The following SOX5 variants were observed in gnomAD, a reference collection of about 807,000 sequenced individuals.
SOX5 encodes transcription factor SOX-5.
In SOX5, 9 loss-of-function variants were observed where a neutral mutation model predicts 92.0. That is an observed-to-expected ratio of 0.10 (90% CI 0.06 to 0.17). SOX5 has a LOEUF of 0.17. Ranked by LOEUF, SOX5 falls within the 10% of genes least tolerant of loss-of-function variation. SOX5 has a pLI of 1.00. For missense variants in SOX5, 642 were observed against 944.5 expected (o/e 0.68, Z 4.20); for synonymous variants, 344 against 336.3 (o/e 1.02, Z -0.25).
chr12:23,950,993 A>AC, upstream of SOX5: 1 of 784,982 alleles, frequency 1.3e-6, no homozygotes, highest in Admixed American at 2.0e-5. Context: ...ACACACACAC[A>AC]CACACACACA....
intron 4 of SOX5, among the ~76,000 whole-genome samples, chr12:24,044,126 C>T (rs1285985644): frequency 6.6e-6 from 1 of 152,190 alleles, no homozygotes; most frequent in Non-Finnish European, 1.5e-5. Flanking sequence ...TAATACTACA[C>T]AACATAAAGG....
intron 4 of SOX5, among the ~76,000 whole-genome samples, chr12:24,042,600 T>C (rs1308101047): frequency 1.3e-5 from 2 of 152,162 alleles, no homozygotes; most frequent in East Asian, 1.9e-4. Context: ...AAAGTATATT[T>C]AGTGTATCAT....
chr12:23,946,642 G>T (rs1026567605), intron 1 of SOX5, among the ~76,000 whole-genome samples: 1 of 151,718 alleles, frequency 6.6e-6, no homozygotes, highest in Non-Finnish European at 1.5e-5. Context: ...TTAAAAATGT[G>T]GGGAGACTTC....
intron 3 of SOX5, among the ~76,000 whole-genome samples, chr12:24,257,696 T>A (rs1333743524): frequency 6.6e-6 from 1 of 151,922 alleles, no homozygotes; most frequent in Admixed American, 6.5e-5. Flanking sequence ...CTCGAACTCC[T>A]GACCTCGTGA....
At chr12:23,991,044 GA>G (rs36120865) in intron 4 of SOX5, among the ~76,000 whole-genome samples, 69 of 150,144 alleles carry the variant, frequency 4.6e-4, no homozygotes, top group African/African-American at 1.6e-3. Flanking sequence ...TCGTAATACT[GA>G]AAAAAAAATG....
intron 4 of SOX5, among the ~76,000 whole-genome samples, chr12:24,097,942 C>A (rs550577946): frequency 6.8e-6 from 1 of 147,866 alleles, no homozygotes; most frequent in Non-Finnish European, 1.5e-5. Flanking sequence ...CTCACTGTTA[C>A]AATTTTTTCA....
intron 3 of SOX5, among the ~76,000 whole-genome samples, chr12:24,242,032 T>C (rs909537195): frequency 6.6e-6 from 1 of 152,232 alleles, no homozygotes; most frequent in Non-Finnish European, 1.5e-5. Context: ...AAATAATTCC[T>C]GTTGTTAAGA....
intron 3 of SOX5, among the ~76,000 whole-genome samples, chr12:23,822,868 C>G (rs369211596): frequency 6.6e-6 from 1 of 152,214 alleles, no homozygotes; most frequent in Admixed American, 6.5e-5. Flanking sequence ...ATCCCTTTAC[C>G]GTTAGATAAT....
chr12:23,586,350 G>C (rs1002708281), intron 9 of SOX5, among the ~76,000 whole-genome samples: 1 of 152,114 alleles, frequency 6.6e-6, no homozygotes, highest in African/African-American at 2.4e-5. Context: ...GGTAGGTCAT[G>C]AGACAGAAGA....
intron 12 of SOX5, among the ~76,000 whole-genome samples, chr12:23,544,380 A>C (rs1942722791): frequency 6.6e-6 from 1 of 152,236 alleles, no homozygotes; most frequent in Non-Finnish European, 1.5e-5. Flanking sequence ...GTATTATCAC[A>C]AAATAAGTAG....
intron 3 of SOX5, among the ~76,000 whole-genome samples, chr12:23,844,403 G>C (rs1408890119): frequency 6.6e-6 from 1 of 152,036 alleles, no homozygotes; most frequent in Non-Finnish European, 1.5e-5. Context: ...CAGAATATAT[G>C]AAAATAAACA....
chr12:24,097,508 CTT>C (rs932648430), intron 4 of SOX5, among the ~76,000 whole-genome samples: 18 of 149,804 alleles, frequency 1.2e-4, no homozygotes, highest in Admixed American at 6.6e-4. Flanking sequence ...TTTTTTAACT[CTT>C]ATGTTTAATT....
At chr12:23,956,968 A>G (rs1946361383) in intron 4 of SOX5, among the ~76,000 whole-genome samples, 1 of 151,774 alleles carries the variant, frequency 6.6e-6, no homozygotes, top group African/African-American at 2.4e-5. Context: ...ATGCCCGGCC[A>G]TTGCCTAAGT....
intron 6 of SOX5, among the ~76,000 whole-genome samples, chr12:23,710,341 T>G (rs563952465): frequency 6.1e-4 from 93 of 152,266 alleles, no homozygotes; most frequent in African/African-American, 2.1e-3. Context: ...GCTGCACCCA[T>G]TAACTTGTCA....
intron 3 of SOX5, among the ~76,000 whole-genome samples, chr12:24,224,423 A>G (rs1467340889): frequency 6.6e-6 from 1 of 151,932 alleles, no homozygotes; most frequent in Non-Finnish European, 1.5e-5. Context: ...AGCCAATCAC[A>G]TTATTCCTTA....
intron 9 of SOX5, among the ~76,000 whole-genome samples, chr12:23,576,354 T>G (rs1949105149): frequency 6.6e-6 from 1 of 152,172 alleles, no homozygotes; most frequent in African/African-American, 2.4e-5. Flanking sequence ...AGAAAATTTC[T>G]AGCTTTCTTA....
chr12:23,738,954 GCATTT>G lies in SOX5; in HGVS notation c.741+1908_741+1912del, dbSNP rs535307067. 3.3e-3 allele frequency among the ~76,000 whole-genome samples: 504 copies of G among 152,260 alleles called. 4 individuals are homozygous for G. The highest frequency in any genetic ancestry group is 0.012 in the African/African-American group (487 of 41,550). On this transcript the variant is annotated intron_variant, in intron 5 of 14. Transcript: ENST00000451604. ...ATATATCTTTAATGAAAGTGATTAG[GCATTT>G]CATTAAAAATAAAACGAACATCTTT...
intron 2 of SOX5, among the ~76,000 whole-genome samples, chr12:24,278,719 A>C (rs1944798372): frequency 1.3e-5 from 2 of 152,158 alleles, no homozygotes; most frequent in South Asian, 4.1e-4. Flanking sequence ...TCAAAAAAGC[A>C]AACAAACAAA....
intron 1 of SOX5, among the ~76,000 whole-genome samples, chr12:24,399,140 G>A (rs1291470825): frequency 6.6e-6 from 1 of 152,040 alleles, no homozygotes; most frequent in Non-Finnish European, 1.5e-5. Context: ...CGAAGCACTG[G>A]TCTTACATGA....
Sources: allele counts gnomAD v4.1 joint callset (sites outside exome capture counted in the v4.1 genomes callset), GRCh38; gene constraint gnomAD v4.1.1; transcripts MANE v1.5; gene names NCBI Gene and HGNC (gene_info 2026-07-23, HGNC 2026-07-21).